PIP4P2: variants seen among roughly 807,000 people sequenced by gnomAD.
The protein encoded by PIP4P2 is type 2 phosphatidylinositol 4,5-bisphosphate 4-phosphatase.
PIP4P2 carries 19 observed loss-of-function variants against 33.3 expected under a neutral mutation model. The ratio of observed to expected loss-of-function variants is 0.57; its 90% CI spans 0.40 to 0.84. PIP4P2 has a LOEUF of 0.84. Among genes scored for constraint, PIP4P2 ranks in the 40% least tolerant of loss-of-function variants. The pLI, the probability that PIP4P2 is intolerant of heterozygous loss-of-function variation, is 0.00. For synonymous variants in PIP4P2, 110 were observed against 111.9 expected (o/e 0.98, Z 0.11); for missense variants, 270 against 324.7 (o/e 0.83, Z 1.29).
At chr8:91,008,071 C>T (rs1481689286) in intron 5 of PIP4P2, among the ~76,000 whole-genome samples, 1 of 152,138 alleles carries the variant, frequency 6.6e-6, no homozygotes, top group South Asian at 2.1e-4. Context: ...TTCTGCTTTG[C>T]ATACTTTTGC....
At chr8:90,999,207 A>C (rs556231477) in intron 5 of PIP4P2, among the ~76,000 whole-genome samples, 74 of 152,282 alleles carry the variant, frequency 4.9e-4, no homozygotes, top group African/African-American at 1.7e-3. Context: ...TAAAAACCAC[A>C]ATGAGATACC....
chr8:91,025,612 T>C (rs1812072284), intron 1 of PIP4P2, among the ~76,000 whole-genome samples: 1 of 152,210 alleles, frequency 6.6e-6, no homozygotes, highest in South Asian at 2.1e-4. Context: ...GCATCCTCTA[T>C]ATGCAGCCCT....
At chr8:91,001,286 C>T (rs1811695625) in intron 5 of PIP4P2, among the ~76,000 whole-genome samples, 1 of 151,922 alleles carries the variant, frequency 6.6e-6, no homozygotes, top group African/African-American at 2.4e-5. Context: ...TAATTTTATG[C>T]AATTTTATCA....
At chr8:91,028,499 T>C (rs1812114151) in intron 1 of PIP4P2, among the ~76,000 whole-genome samples, 1 of 152,228 alleles carries the variant, frequency 6.6e-6, no homozygotes, top group South Asian at 2.1e-4. Flanking sequence ...AAGTGATAGA[T>C]GATGTCTTAG....
intron 1 of PIP4P2, among the ~76,000 whole-genome samples, chr8:91,022,798 A>G (rs1481921465): frequency 6.6e-6 from 1 of 152,168 alleles, no homozygotes; most frequent in Non-Finnish European, 1.5e-5. Flanking sequence ...AGGATTAGCA[A>G]CAAGTGGTAT....
Position 91,008,884 on chromosome 8 carries a change from C to T in PIP4P2, c.487-89G>A, listed in dbSNP as rs1811795368. 4 of 1,148,538 alleles carry T rather than the reference C, an allele frequency of 3.5e-6. No homozygotes were observed. The South Asian group carries it at 5.9e-5, about 17-fold the overall frequency. 71.1% of individuals were successfully genotyped at this position (1,148,538 alleles called of 1,614,324 possible). ...ACATTTCTTTTACTTTAAATGTCAT[C>T]AGGGATCACAACAGAAGCAATCACC... On this transcript the variant is annotated intron_variant, in intron 4 of 6. Transcript: ENST00000285419.
intron 4 of PIP4P2, among the ~76,000 whole-genome samples, chr8:91,010,376 A>G (rs892361888): frequency 6.6e-6 from 1 of 151,936 alleles, no homozygotes; most frequent in African/African-American, 2.4e-5. Context: ...AAAATCCAAG[A>G]CTTAAGGCTA....
chr8:90,998,574 C>T (rs572970139), intron 5 of PIP4P2, among the ~76,000 whole-genome samples: 2 of 151,834 alleles, frequency 1.3e-5, no homozygotes, highest in Admixed American at 1.3e-4. Flanking sequence ...ATCAATTGAA[C>T]GGAATAGAGA....
chr8:91,008,268 A>G (rs537728208), intron 5 of PIP4P2, among the ~76,000 whole-genome samples: 1 of 152,262 alleles, frequency 6.6e-6, no homozygotes, highest in South Asian at 2.1e-4. Context: ...TCATTTAGGA[A>G]TAGAGAGAAA....
At chr8:90,997,651 A>T (rs1225784829) in intron 5 of PIP4P2, among the ~76,000 whole-genome samples, 4 of 152,102 alleles carry the variant, frequency 2.6e-5, no homozygotes, top group Admixed American at 2.6e-4. Context: ...TCTCTGTCTT[A>T]ACGTACATAT....
At chr8:91,018,678 T>A in intron 3 of PIP4P2, 165 bp from the exon 4 acceptor site, 1 of 990,982 alleles carries the variant, frequency 1.0e-6, no homozygotes, top group Non-Finnish European at 1.4e-6. Context: ...ACAGTCAGTT[T>A]TTCAAAAGCA....
At chr8:91,019,168 A>G (rs563180656) in intron 3 of PIP4P2, among the ~76,000 whole-genome samples, 1 of 152,212 alleles carries the variant, frequency 6.6e-6, no homozygotes, top group South Asian at 2.1e-4. Flanking sequence ...TTTATTGCAC[A>G]TATACATTCA....
intron 5 of PIP4P2, among the ~76,000 whole-genome samples, chr8:91,004,530 T>A (rs577506182): frequency 6.6e-6 from 1 of 152,140 alleles, no homozygotes; most frequent in African/African-American, 2.4e-5. Flanking sequence ...TAGTATCAAA[T>A]GCTACAGAGA....
chr8:91,016,496 A>G (rs1277245920), intron 4 of PIP4P2: 1 of 152,214 alleles, frequency 6.6e-6, no homozygotes, highest in Non-Finnish European at 1.5e-5. Context: ...TGATCTTCTC[A>G]TCAACAATGG....
chr8:90,997,879 T>A (rs1811649470), intron 5 of PIP4P2, among the ~76,000 whole-genome samples: 1 of 152,108 alleles, frequency 6.6e-6, no homozygotes, highest in Non-Finnish European at 1.5e-5. Flanking sequence ...CAAAATTATT[T>A]CCTTTAATTT....
At chr8:91,024,435 A>G (rs184549396) in intron 1 of PIP4P2, 5 of 325,680 alleles carry the variant, frequency 1.5e-5, no homozygotes, top group Middle Eastern at 1.1e-3. Flanking sequence ...TTAAACCTAT[A>G]ATAATTAAAT....
intron 1 of PIP4P2, among the ~76,000 whole-genome samples, chr8:91,040,388 A>ATAACAT: frequency 6.7e-6 from 1 of 149,844 alleles, no homozygotes; most frequent in African/African-American, 2.5e-5. Context: ...ATACACACAC[A>ATAACAT]CACCATCACC....
chr8:90,996,609 T>C, intron 6 of PIP4P2, 45 bp downstream of exon 6: 1 of 1,530,078 alleles, frequency 6.5e-7, no homozygotes, highest in South Asian at 1.2e-5. Context: ...TGACTACTGA[T>C]AAAGTTGAGA....
chr8:91,036,202 C>T (rs1184799157), intron 1 of PIP4P2, among the ~76,000 whole-genome samples: 1 of 151,672 alleles, frequency 6.6e-6, no homozygotes, highest in East Asian at 1.9e-4. Flanking sequence ...CAGCCCAGGC[C>T]CCGTTTCTTA....
Sources: allele counts gnomAD v4.1 joint callset (sites outside exome capture counted in the v4.1 genomes callset), GRCh38; gene constraint gnomAD v4.1.1; transcripts MANE v1.5; gene names NCBI Gene and HGNC (gene_info 2026-07-23, HGNC 2026-07-21).